PDE3B: variants seen among roughly 807,000 people sequenced by gnomAD.
PDE3B encodes cGMP-inhibited 3',5'-cyclic phosphodiesterase 3B.
A neutral mutation model predicts 116.8 loss-of-function variants in PDE3B; 66 were observed. The ratio of observed to expected loss-of-function variants is 0.56; its 90% CI spans 0.46 to 0.69. PDE3B has a LOEUF of 0.69. Among genes scored for constraint, PDE3B ranks in the 30% least tolerant of loss-of-function variants. The pLI is 0.00. For missense variants in PDE3B, 1,384 were observed against 1,368.1 expected (o/e 1.01, Z -0.18); for synonymous variants, 595 against 533.6 (o/e 1.12, Z -1.59).
intron 1 of PDE3B, among the ~76,000 whole-genome samples, chr11:14,714,661 T>A (rs919606761): frequency 1.3e-5 from 2 of 152,180 alleles, no homozygotes; most frequent in Non-Finnish European, 2.9e-5. Flanking sequence ...CAATGTGGAA[T>A]GGCAGTACTG....
chr11:14,703,615 A>G lies in PDE3B; in HGVS notation c.978+58562A>G, dbSNP rs1262139709. ...TATTATAATGTTCTTTCTATGTAACATTTGTCTGCATTTGGTTTTGATGTC... is the reference window on the plus strand; with the variant it reads ...TATTATAATGTTCTTTCTATGTAACGTTTGTCTGCATTTGGTTTTGATGTC... On this transcript the variant is annotated intron_variant, in intron 1 of 15. Coordinates refer to ENST00000282096, the MANE Select transcript of PDE3B (RefSeq NM_000922.4). Among the ~76,000 whole-genome samples the G allele has an allele frequency of 2.0e-5, 3 of 151,632 alleles. No individual in the cohort carries two copies. The Admixed American group carries it at 2.0e-4, about 10-fold the overall frequency.
intron 2 of PDE3B, chr11:14,774,618 A>C (rs1857732179): frequency 6.6e-6 from 1 of 152,172 alleles, no homozygotes; most frequent in South Asian, 2.1e-4. Flanking sequence ...AAACATAAAA[A>C]CTATTCTTAA....
intron 12 of PDE3B, among the ~76,000 whole-genome samples, chr11:14,847,823 C>A (rs1317519814): frequency 7.2e-5 from 11 of 152,192 alleles, no homozygotes; most frequent in South Asian, 4.1e-4. Context: ...CAATAACAGG[C>A]TCTGAAATTG....
chr11:14,777,772 G>A (rs1177363644), intron 2 of PDE3B, among the ~76,000 whole-genome samples: 1 of 152,146 alleles, frequency 6.6e-6, no homozygotes, highest in Non-Finnish European at 1.5e-5. Flanking sequence ...ATGAGGTACT[G>A]GGTTCATCTC....
chr11:14,685,473 T>TA (rs1405306654), intron 1 of PDE3B, among the ~76,000 whole-genome samples: 2 of 146,982 alleles, frequency 1.4e-5, no homozygotes, highest in South Asian at 2.2e-4. Context: ...TTTTTTTTTT[T>TA]AAGACAGAGT....
At chr11:14,856,352 A>G (rs1590197560) in intron 12 of PDE3B, among the ~76,000 whole-genome samples, 2 of 152,202 alleles carry the variant, frequency 1.3e-5, no homozygotes, top group East Asian at 3.8e-4. Flanking sequence ...TAAACACAGA[A>G]AAGAACAAAC....
At chr11:14,684,429 G>A (rs909704111) in intron 1 of PDE3B, among the ~76,000 whole-genome samples, 4 of 152,068 alleles carry the variant, frequency 2.6e-5, no homozygotes, top group African/African-American at 9.7e-5. Flanking sequence ...GCTTCAAAGG[G>A]CAAAAAGGAG....
chr11:14,782,217 A>G (rs1027491869), intron 2 of PDE3B, among the ~76,000 whole-genome samples: 2 of 152,208 alleles, frequency 1.3e-5, no homozygotes, highest in Non-Finnish European at 2.9e-5. Context: ...GCCATCCCCA[A>G]CAAGCTAGCA....
chr11:14,764,069 G>A (rs192169014), intron 1 of PDE3B, among the ~76,000 whole-genome samples: 1 of 152,230 alleles, frequency 6.6e-6, no homozygotes, highest in East Asian at 1.9e-4. Context: ...CTAGAAACTA[G>A]CAATTATGGA....
rs1309935537 is a variant in PDE3B at position 14,644,885 on chromosome 11, G to C, written c.810G>C (p.Arg270Ser). Reference sequence around the variant, plus strand: ...GGTTGGATCACTTCTTTCAAATCAGGGAAGCGCCTCTTCATCCTCGACTGT... The same window carrying C: ...GGTTGGATCACTTCTTTCAAATCAGCGAAGCGCCTCTTCATCCTCGACTGT... ...ALGLDHFFQI[R>S]EAPLHPRLSS... is the part of the protein sequence containing the mutation. Residue 270 changes from arginine (R) to serine (S), a missense_variant, in exon 1 of 16, where the codon AGG becomes AGC. Physicochemically the swap from Arg to Ser is moderately radical, Grantham distance 110. Around this residue, in one of 2 missense-constraint regions of PDE3B, gnomAD observed 956 missense variants for 806.8 expected, o/e 1.18. Transcript: ENST00000282096. 2 of 1,614,076 alleles carry C rather than the reference G, an allele frequency of 1.2e-6. No homozygotes were observed. The highest frequency in any genetic ancestry group is 4.5e-5 in the East Asian group (2 of 44,854).
rs544996791 is a variant in PDE3B, at chr11:14,834,437, C to G, written c.2207-545C>G. 2.8e-3 allele frequency among the ~76,000 whole-genome samples: 431 copies of G among 152,284 alleles called. 1 individual carries two copies. Among genetic ancestry groups the G allele is most frequent in the South Asian group, 9.9e-3 (48 of 4,828 alleles). ...AGTTCTGAAGCCTATACTCTTTACACTATGCCACATTGCCTTTTCACATAG... is the reference window on the plus strand; with the variant it reads ...AGTTCTGAAGCCTATACTCTTTACAGTATGCCACATTGCCTTTTCACATAG... On this transcript the variant is annotated intron_variant, in intron 10 of 15. Transcript: ENST00000282096.
chr11:14,843,415 T>C (rs996320084), intron 11 of PDE3B, among the ~76,000 whole-genome samples: 14 of 152,216 alleles, frequency 9.2e-5, no homozygotes, highest in Non-Finnish European at 1.8e-4. Flanking sequence ...TGGTAAGATA[T>C]TAAATTCCTA....
At chr11:14,656,355 T>G (rs937725782) in intron 1 of PDE3B, among the ~76,000 whole-genome samples, 5 of 152,208 alleles carry the variant, frequency 3.3e-5, no homozygotes, top group African/African-American at 1.2e-4. Flanking sequence ...TGTTTTGTAT[T>G]TATCATTTAC....
intron 12 of PDE3B, among the ~76,000 whole-genome samples, chr11:14,855,417 T>C (rs1325882113): frequency 6.6e-6 from 1 of 152,202 alleles, no homozygotes; most frequent in Non-Finnish European, 1.5e-5. Context: ...TCAACTGTCA[T>C]TGTATTTTAG....
rs1848115296 is a variant in PDE3B, at chr11:14,869,897, C to G, written c.*237C>G. On this transcript the variant is annotated 3_prime_UTR_variant, in exon 16 of 16. Coordinates refer to ENST00000282096, the MANE Select transcript of PDE3B (RefSeq NM_000922.4). ...ATACCATCCGTGTTGACCCATGTTG[C>G]AGAGCCCTTACTTAAATCCTTCACT... 2.6e-6 allele frequency: 1 copy of G among 391,580 alleles called. No homozygotes were observed. The highest frequency in any genetic ancestry group is 4.6e-6 in the Non-Finnish European group (1 of 219,006). 24.3% of individuals were successfully genotyped at this position (391,580 alleles called of 1,614,324 possible).
At position 14,834,974 on chromosome 11, in the gene PDE3B, G is replaced by T; in HGVS notation, c.2207-8G>T. The T allele has an allele frequency of 1.3e-6, 2 of 1,552,532 alleles. No homozygotes were observed. The highest frequency in any genetic ancestry group is 1.2e-5 in the South Asian group (1 of 85,476). ...AAACCTAACAGAAAAACGTTTTGGT[G>T]ACTTTAGATCACAATCGTATACATG... On this transcript the variant is annotated splice_region_variant and splice_polypyrimidine_tract_variant and intron_variant, in intron 10 of 15. Coordinates refer to ENST00000282096, the MANE Select transcript of PDE3B (RefSeq NM_000922.4).
chr11:14,849,548 G>A (rs1388022542), intron 12 of PDE3B, among the ~76,000 whole-genome samples: 2 of 152,144 alleles, frequency 1.3e-5, no homozygotes, highest in African/African-American at 4.8e-5. Context: ...GAGTGAACAG[G>A]CAACCTACAA....
At chr11:14,887,715 C>A in the PDE3B span, 8 of 800,860 alleles carry the variant, frequency 1.0e-5, no homozygotes, top group Non-Finnish European at 1.1e-5. Flanking sequence ...CAGTTAATGA[C>A]CACTCCATAC....
intron 1 of PDE3B, among the ~76,000 whole-genome samples, chr11:14,697,088 A>G (rs1855228125): frequency 6.6e-6 from 1 of 151,742 alleles, no homozygotes; most frequent in African/African-American, 2.4e-5. Flanking sequence ...TGTGCATGCC[A>G]CCATGTCCAG....
Sources: allele counts gnomAD v4.1 joint callset (sites outside exome capture counted in the v4.1 genomes callset), GRCh38; gene constraint gnomAD v4.1.1; regional missense constraint gnomAD v4.1.1; transcripts MANE v1.5; gene names NCBI Gene and HGNC (gene_info 2026-07-23, HGNC 2026-07-21).